The following SMTN variants were observed in gnomAD, a reference collection of about 807,000 sequenced individuals.
The protein encoded by SMTN is smoothelin.
In SMTN, 58 loss-of-function variants were observed where a neutral mutation model predicts 102.0. The ratio of observed to expected loss-of-function variants is 0.57; its 90% CI spans 0.46 to 0.71. The LOEUF (loss-of-function observed/expected upper bound fraction) is 0.71. Among genes scored for constraint, SMTN ranks in the 30% least tolerant of loss-of-function variants. The probability of loss-of-function intolerance (pLI) is 0.00; values close to 1 mark genes in which losing one functional copy is unlikely to be tolerated. For missense variants in SMTN, 1,185 were observed against 1,241.7 expected (o/e 0.95, Z 0.69); for synonymous variants, 478 against 497.9 (o/e 0.96, Z 0.53).
intron 3 of SMTN, 99 bp from the exon 4 acceptor site, chr22:31,088,414 G>A: frequency 7.4e-6 from 8 of 1,078,888 alleles, no homozygotes; most frequent in Non-Finnish European, 1.1e-5. Flanking sequence ...ATGCCCTTCT[G>A]CCAAGGTTCT....
chr22:31,091,018 A>G lies in SMTN; in HGVS notation c.995A>G (p.Asp332Gly). 3 of 1,613,882 alleles carry G rather than the reference A, an allele frequency of 1.9e-6. No homozygotes were observed. The highest frequency in any genetic ancestry group is 1.1e-5 in the South Asian group (1 of 91,074). The change falls in exon 10 of 21, where the codon GAT becomes GGT. Residue 332 changes from aspartate to glycine, a missense_variant. Asp to Gly is a moderately conservative substitution (Grantham distance 94). Around this residue, in one of 2 missense-constraint regions of SMTN, gnomAD observed 1,096 missense variants for 1,112.7 expected, o/e 0.98. Coordinates refer to ENST00000333137, the MANE Select transcript of SMTN (RefSeq NM_134269.3). ...TTCCAGCGGGCTGGCTCTGTGCGGG[A>G]TCGTGTCCACAAGTTCACATCTGAT... Reference protein sequence around the residue: ...SSFQRAGSVRDRVHKFTSDSP... With the variant: ...SSFQRAGSVRGRVHKFTSDSP...
In SMTN at chr22:31,096,726, T is replaced by A; in HGVS notation, c.1862-7T>A. 1 of 1,539,742 alleles carries A rather than the reference T, an allele frequency of 6.5e-7. No homozygotes were observed. The highest frequency in any genetic ancestry group is 1.2e-5 in the South Asian group (1 of 80,622). On this transcript the variant is annotated splice_region_variant and splice_polypyrimidine_tract_variant and intron_variant, in intron 13 of 20. Coordinates refer to ENST00000333137, the MANE Select transcript of SMTN (RefSeq NM_134269.3). ...TTTTGCGCATGCATGGGGCATCCCCTGCCCAGACCAGCGGGACAAGGAGCG... is the reference window on the plus strand; with the variant it reads ...TTTTGCGCATGCATGGGGCATCCCCAGCCCAGACCAGCGGGACAAGGAGCG...
chr22:31,083,733 G>A (rs2042468750), intron 2 of SMTN, among the ~76,000 whole-genome samples: 1 of 152,206 alleles, frequency 6.6e-6, no homozygotes, highest in Non-Finnish European at 1.5e-5. Flanking sequence ...GGTATACCAT[G>A]TCACAGAATA....
At chr22:31,093,530 C>G (rs751223584) in intron 11 of SMTN, 7 of 696,098 alleles carry the variant, frequency 1.0e-5, no homozygotes, top group Non-Finnish European at 1.9e-5. Flanking sequence ...GAGCTGCGGG[C>G]GGTGGCTGAA....
Position 31,104,463 on chromosome 22 carries a change from C to T in SMTN, c.*168C>T. The T allele has an allele frequency of 6.2e-7, 1 of 1,613,002 alleles. No individual in the cohort carries two copies. Among genetic ancestry groups the T allele is most frequent in the Non-Finnish European group, 8.5e-7 (1 of 1,179,934 alleles). ...AACTGCGCCTGCGCGGCAAGAATGT[C>T]TAGCCTGCCCGCCCGCATGGCCAGC... On this transcript the variant is annotated 3_prime_UTR_variant, in exon 21 of 21. Transcript: ENST00000333137.
intron 11 of SMTN, among the ~76,000 whole-genome samples, chr22:31,094,301 T>C (rs1222777394): frequency 6.6e-6 from 1 of 152,030 alleles, no homozygotes; most frequent in African/African-American, 2.4e-5. Context: ...AGAGGATGGT[T>C]TCCAGCAGGG....
intron 1 of SMTN, among the ~76,000 whole-genome samples, chr22:31,070,923 C>CAAAA (rs111579063): frequency 9.6e-6 from 1 of 104,478 alleles, no homozygotes; most frequent in African/African-American, 3.7e-5. Context: ...AACTCTGTCT[C>CAAAA]AAAAAAAAAA....
intron 1 of SMTN, among the ~76,000 whole-genome samples, chr22:31,071,474 A>AT (rs1169619545): frequency 6.6e-6 from 1 of 151,960 alleles, no homozygotes; most frequent in East Asian, 1.9e-4. Flanking sequence ...TCTACAAAAA[A>AT]TAAAATACAT....
At chr22:31,093,871 A>T in intron 11 of SMTN, 1 of 1,564,524 alleles carries the variant, frequency 6.4e-7, no homozygotes, top group Non-Finnish European at 8.6e-7. Context: ...CCGCAGCACT[A>T]GTCTCGTAAG....
upstream of SMTN, chr22:31,080,661 A>T (rs1341457833): frequency 6.6e-6 from 1 of 152,232 alleles, no homozygotes; most frequent in Non-Finnish European, 1.5e-5. Flanking sequence ...CCTGGACTCC[A>T]TATTCCCTAT....
chr22:31,102,769 G>C (rs1054162349), intron 20 of SMTN: 1 of 152,422 alleles, frequency 6.6e-6, no homozygotes, highest in African/African-American at 2.4e-5. Context: ...GGAAGGGAGT[G>C]GGGCGGGAGG....
At chr22:31,090,225 C>A in intron 8 of SMTN, 45 bp downstream of exon 8, 1 of 1,473,150 alleles carries the variant, frequency 6.8e-7, no homozygotes, top group Non-Finnish European at 9.3e-7. Context: ...TTCTTCCCCT[C>A]CCCCTGCCTC....
rs181173466 is a variant in SMTN, at chr22:31,085,149, G to C, written c.51+1840G>C. On this transcript the variant is annotated intron_variant, in intron 2 of 20. Transcript: ENST00000333137. ...ACCCGCCGGGACGCCCTCTGCCTCG[G>C]TCCCGAGTTCGAGTTCGACCTCCGC... 717 of 1,535,502 alleles carry C rather than the reference G, an allele frequency of 4.7e-4. 1 individual carries two copies. The African/African-American group carries it at 9.0e-3, about 19-fold the overall frequency.
chr22:31,087,879 T>G, intron 2 of SMTN, 86 bp from the exon 3 acceptor site: 1 of 1,378,516 alleles, frequency 7.3e-7, no homozygotes, highest in Non-Finnish European at 9.7e-7. Flanking sequence ...AGGCCACACA[T>G]TGTGCCCTAG....
chr22:31,073,412 T>C (rs1245597905), intron 1 of SMTN, among the ~76,000 whole-genome samples: 2 of 152,126 alleles, frequency 1.3e-5, no homozygotes, highest in Admixed American at 6.5e-5. Context: ...CGTGACTACA[T>C]AAAGGCCAGT....
At chr22:31,096,514 C>G in intron 13 of SMTN, 2 of 468,496 alleles carry the variant, frequency 4.3e-6, no homozygotes, top group Non-Finnish European at 7.4e-6. Context: ...TCTCTAGTTT[C>G]TGCCTGAGTC....
At chr22:31,065,052 A>G (rs2041810768) in intron 1 of SMTN, 1 of 152,178 alleles carries the variant, frequency 6.6e-6, no homozygotes, top group Non-Finnish European at 1.5e-5. Context: ...CATTTTATAG[A>G]ATATCCCTCA....
intron 11 of SMTN, among the ~76,000 whole-genome samples, chr22:31,094,103 C>A (rs540218670): frequency 9.0e-4 from 137 of 152,340 alleles, no homozygotes; most frequent in African/African-American, 2.7e-3. Flanking sequence ...CAGCCCCCAG[C>A]TCCCTGCCGC....
chr22:31,087,877 C>A, intron 2 of SMTN, 88 bp from the exon 3 acceptor site: 1 of 1,372,692 alleles, frequency 7.3e-7, no homozygotes, highest in Non-Finnish European at 9.8e-7. Context: ...ACAGGCCACA[C>A]ATTGTGCCCT....
Sources: gnomAD v4.1 joint callset for allele counts (sites outside exome capture counted in the v4.1 genomes callset) on GRCh38, gnomAD v4.1.1 for gene constraint, gnomAD v4.1.1 regional missense constraint, MANE v1.5 for transcripts, NCBI Gene and HGNC (gene_info 2026-07-23, HGNC 2026-07-21) for gene names.